ORC5: variants seen among roughly 807,000 people sequenced by gnomAD.
ORC5 encodes origin recognition complex subunit 5, also known as protein phosphatase 1, regulatory subunit 117.
A neutral mutation model predicts 58.8 loss-of-function variants in ORC5; 39 were observed. The observed-to-expected ratio is 0.66, with a 90% CI of 0.51 to 0.87. The LOEUF (loss-of-function observed/expected upper bound fraction) is 0.87. Among genes scored for constraint, ORC5 ranks in the 40% least tolerant of loss-of-function variants. The probability of loss-of-function intolerance (pLI) is 0.00; values close to 1 mark genes in which losing one functional copy is unlikely to be tolerated. For missense variants in ORC5, 493 were observed against 506.3 expected, an observed-to-expected ratio of 0.97 and a Z score of 0.25; for synonymous variants, 218 against 177.6, an observed-to-expected ratio of 1.23 and a Z score of -1.81.
intron 1 of ORC5, among the ~76,000 whole-genome samples, chr7:104,206,671 A>C (rs1300076077): frequency 2.6e-5 from 4 of 152,186 alleles, no homozygotes; most frequent in African/African-American, 9.7e-5. Context: ...GCCACCTCAA[A>C]TTGCCATGCA....
At chr7:104,185,706 TTAG>T (rs1206874085) in intron 6 of ORC5, among the ~76,000 whole-genome samples, 26 of 152,244 alleles carry the variant, frequency 1.7e-4, no homozygotes, top group African/African-American at 6.3e-4. Flanking sequence ...TTATAACTAC[TTAG>T]TAGTTTTCCA....
At chr7:104,173,047 C>T (rs1229919145) in intron 8 of ORC5, among the ~76,000 whole-genome samples, 2 of 150,730 alleles carry the variant, frequency 1.3e-5, no homozygotes, top group South Asian at 2.1e-4. Flanking sequence ...TGCTAAAACC[C>T]CCAACAAGTA....
chr7:104,188,270 A>G lies in ORC5; in HGVS notation c.665T>C (p.Leu222Ser). ...LGVFYTVCRD[L>S]KELRHLAVLN... is the part of the protein sequence containing the mutation. ...ATTTACCAGATGTCTGAGCTCTTTCAAATCTCGACAAACAGTGTAGAAAAC... is the reference window on the plus strand; with the variant it reads ...ATTTACCAGATGTCTGAGCTCTTTCGAATCTCGACAAACAGTGTAGAAAAC... The change falls in exon 6 of 14, where the codon TTG (leucine) becomes TCG (serine). Residue 222 changes from leucine to serine, a missense_variant. Leu to Ser is a moderately radical substitution (Grantham distance 145, BLOSUM62 -2). Transcript: ENST00000297431. 2 of 1,612,678 alleles carry G rather than the reference A, an allele frequency of 1.2e-6. No homozygotes were observed. The highest frequency in any genetic ancestry group is 1.7e-6 in the Non-Finnish European group (2 of 1,179,176).
At chr7:104,175,984 A>G (rs549668190) in intron 8 of ORC5, among the ~76,000 whole-genome samples, 3 of 152,252 alleles carry the variant, frequency 2.0e-5, no homozygotes, top group Non-Finnish European at 4.4e-5. Context: ...TGTTTTTAAA[A>G]ATCAAACTGC....
At chr7:104,179,639 AGTTTTTTTTGTT>A (rs1799394659) in intron 8 of ORC5, among the ~76,000 whole-genome samples, 2 of 150,776 alleles carry the variant, frequency 1.3e-5, no homozygotes, top group Admixed American at 6.6e-5. Flanking sequence ...TCTAAACTGC[AGTTTTTTTTGTT>A]GTTTTTTTTT....
chr7:104,204,046 G>C, intron 2 of ORC5, 96 bp downstream of exon 2: 1 of 586,702 alleles, frequency 1.7e-6, no homozygotes, highest in Non-Finnish European at 3.0e-6. Flanking sequence ...TGTAAAGGTG[G>C]TATGTTCAAT....
At chr7:104,131,116 A>G (rs919792955) in intron 13 of ORC5, among the ~76,000 whole-genome samples, 5 of 152,132 alleles carry the variant, frequency 3.3e-5, no homozygotes, top group Non-Finnish European at 5.9e-5. Flanking sequence ...CTCCCAACAA[A>G]CTGCTTTCCT....
At chr7:104,202,348 C>T (rs1256853128) in intron 2 of ORC5, 4 of 213,066 alleles carry the variant, frequency 1.9e-5, no homozygotes, top group Non-Finnish European at 3.0e-5. Context: ...CTCTGAATAA[C>T]AGTGTCACTA....
intron 12 of ORC5, among the ~76,000 whole-genome samples, chr7:104,142,841 C>G (rs903934774): frequency 7.2e-5 from 11 of 152,050 alleles, no homozygotes; most frequent in African/African-American, 2.7e-4. Flanking sequence ...AAAGAAGAGA[C>G]ACAGAAAGGA....
intron 6 of ORC5, chr7:104,188,050 A>G: frequency 3.9e-6 from 4 of 1,034,824 alleles, no homozygotes; most frequent in Non-Finnish European, 4.9e-6. Flanking sequence ...CAAAGTTTGT[A>G]CTAACCCACA....
intron 2 of ORC5, among the ~76,000 whole-genome samples, chr7:104,203,318 T>TA (rs1799991008): frequency 6.6e-6 from 1 of 152,160 alleles, no homozygotes; most frequent in Non-Finnish European, 1.5e-5. Context: ...CCCATTCACA[T>TA]AGAGAATGCC....
chr7:104,159,333 G>A (rs1199398354), intron 12 of ORC5, among the ~76,000 whole-genome samples: 42 of 93,030 alleles, frequency 4.5e-4, no homozygotes, highest in African/African-American at 1.7e-3. Context: ...GTTGTGGGGT[G>A]GGGGGAGGGG....
At chr7:104,202,150 T>G (rs1402132651) in intron 2 of ORC5, among the ~76,000 whole-genome samples, 1 of 152,074 alleles carries the variant, frequency 6.6e-6, no homozygotes, top group African/African-American at 2.4e-5. Flanking sequence ...AATATCAACA[T>G]GAGTTAACTC....
At chr7:104,165,355 A>T (rs1799090631) in intron 10 of ORC5, 73 bp from the exon 11 acceptor site, 2 of 845,894 alleles carry the variant, frequency 2.4e-6, no homozygotes, top group Non-Finnish European at 3.9e-6. Flanking sequence ...TATTTATTTA[A>T]AACATGGCAC....
At chr7:104,160,610 T>C (rs1799005444) in intron 12 of ORC5, among the ~76,000 whole-genome samples, 1 of 152,116 alleles carries the variant, frequency 6.6e-6, no homozygotes, top group African/African-American at 2.4e-5. Context: ...CCTAGTGAAA[T>C]TCTGAGAACT....
chr7:104,197,028 C>CCCTGT (rs1799815755), intron 4 of ORC5, among the ~76,000 whole-genome samples: 1 of 152,138 alleles, frequency 6.6e-6, no homozygotes, highest in East Asian at 1.9e-4. Flanking sequence ...GTAAGTCCGC[C>CCCTGT]CCTGTCCTTT....
intron 3 of ORC5, among the ~76,000 whole-genome samples, chr7:104,198,081 T>C (rs1466525200): frequency 1.3e-5 from 2 of 152,338 alleles, no homozygotes; most frequent in Non-Finnish European, 1.5e-5. Context: ...CTCTTGTACT[T>C]CTACTTTCAT....
chr7:104,174,622 G>T (rs1289331808), intron 8 of ORC5, among the ~76,000 whole-genome samples: 1 of 152,168 alleles, frequency 6.6e-6, no homozygotes, highest in Non-Finnish European at 1.5e-5. Flanking sequence ...TTGTCACACT[G>T]TATCGCTAAT....
intron 6 of ORC5, chr7:104,187,629 C>T (rs949716367): frequency 1.5e-5 from 6 of 395,078 alleles, no homozygotes; most frequent in African/African-American, 8.7e-5. Flanking sequence ...CCTTTCCCAT[C>T]CCTACAATTA....
Sources: gnomAD v4.1 joint callset for allele counts (sites outside exome capture counted in the v4.1 genomes callset) on GRCh38, gnomAD v4.1.1 for gene constraint, MANE v1.5 for transcripts, NCBI Gene and HGNC (gene_info 2026-07-23, HGNC 2026-07-21) for gene names.